NMT1: variants seen among roughly 807,000 people sequenced by gnomAD.
NMT1 encodes glycylpeptide N-tetradecanoyltransferase 1.
NMT1 carries 12 observed loss-of-function variants against 63.4 expected under a neutral mutation model. The observed-to-expected ratio is 0.19, with a 90% confidence interval of 0.12 to 0.31. The LOEUF (loss-of-function observed/expected upper bound fraction) is 0.31, where lower values mean the gene tolerates loss of function less well. NMT1 is among the 10% of genes least tolerant of loss of function. NMT1 has a pLI of 1.00. For synonymous variants in NMT1, 228 were observed against 234.3 expected (o/e 0.97, Z 0.25); for missense variants, 432 against 634.6 (o/e 0.68, Z 3.43).
chr17:45,073,519 A>G (rs1241075505), intron 1 of NMT1, among the ~76,000 whole-genome samples: 1 of 152,210 alleles, frequency 6.6e-6, no homozygotes, highest in Non-Finnish European at 1.5e-5. Context: ...TTAGGAGATT[A>G]TAGTTTTAAA....
At chr17:45,086,381 T>G (rs1212530420) in intron 2 of NMT1, 127 bp from the exon 3 acceptor site, 10 of 969,514 alleles carry the variant, frequency 1.0e-5, no homozygotes, top group African/African-American at 1.7e-5. Flanking sequence ...CGCCTTGGCC[T>G]CCCAAAATGT....
At chr17:45,098,797 A>G (rs1001619133) in intron 7 of NMT1, 1 of 457,772 alleles carries the variant, frequency 2.2e-6, no homozygotes. Flanking sequence ...GGCTGCTGCC[A>G]TTTGGAGATG....
chr17:45,083,275 C>T (rs1397908692), intron 2 of NMT1, among the ~76,000 whole-genome samples: 1 of 151,000 alleles, frequency 6.6e-6, no homozygotes, highest in East Asian at 1.9e-4. Flanking sequence ...GCCGAGATCA[C>T]GCCATTGCAC....
At chr17:45,066,694 A>AT (rs1041123242) in intron 1 of NMT1, among the ~76,000 whole-genome samples, 39 of 152,150 alleles carry the variant, frequency 2.6e-4, no homozygotes, top group African/African-American at 9.2e-4. Flanking sequence ...CTATTTAAAA[A>AT]TTTTTTAATT....
Position 45,104,439 on chromosome 17 carries a change from CA to C in NMT1, c.1333-419del, listed in dbSNP as rs2054190200. ...AGCAGGTGTCATACAACATGAGGTG[CA>C]CTGAGGGCCTGAGAGTTGGGGCATC... On this transcript the variant is annotated intron_variant, in intron 10 of 11. Transcript: ENST00000258960. This position sits in a 1 kb window ranked among gnomAD's most constrained non-coding sequence, Gnocchi z 4.2. 2.7e-6 allele frequency: 3 copies of C among 1,097,944 alleles called. No homozygotes were observed. The African/African-American group carries it at 4.9e-5, about 18-fold the overall frequency. 68.0% of individuals were successfully genotyped at this position (1,097,944 alleles called of 1,614,324 possible). A position where few individuals can be genotyped will look rare whatever the true frequency, so the allele number is the denominator to read the frequency against.
intron 3 of NMT1, among the ~76,000 whole-genome samples, chr17:45,090,004 G>A (rs139274248): frequency 3.9e-5 from 6 of 152,074 alleles, no homozygotes; most frequent in Admixed American, 2.6e-4. Flanking sequence ...TTCTTAGGCC[G>A]GGTGTAGTGG....
chr17:45,069,042 C>A (rs1000524224), intron 1 of NMT1, among the ~76,000 whole-genome samples: 1 of 151,574 alleles, frequency 6.6e-6, no homozygotes, highest in African/African-American at 2.4e-5. Flanking sequence ...CTCACTGCAA[C>A]CTCTGCCACC....
At chr17:45,093,466 T>C (rs546240830) in intron 3 of NMT1, among the ~76,000 whole-genome samples, 12 of 152,372 alleles carry the variant, frequency 7.9e-5, no homozygotes, top group African/African-American at 2.4e-4. Flanking sequence ...CGAACCACCT[T>C]GGATCCCAGT....
At position 45,081,989 on chromosome 17, in the gene NMT1, T is replaced by C. The variant is rs1423870417; in HGVS notation, c.240+237T>C. Among the ~76,000 whole-genome samples, 9 of 152,208 alleles carry C rather than the reference T, an allele frequency of 5.9e-5. No individual in the cohort carries two copies. The East Asian group carries it at 7.7e-4, about 13-fold the overall frequency. On this transcript the variant is annotated intron_variant, in intron 2 of 11. Transcript: ENST00000258960. Reference sequence around the variant, plus strand: ...CTCCCAAGCATGGTGCCCATCAGAATGGACAGGTGCGTACTGCATGTGCTG... The same window carrying C: ...CTCCCAAGCATGGTGCCCATCAGAACGGACAGGTGCGTACTGCATGTGCTG...
At chr17:45,089,749 C>T (rs1399598768) in intron 3 of NMT1, among the ~76,000 whole-genome samples, 1 of 152,052 alleles carries the variant, frequency 6.6e-6, no homozygotes, top group Non-Finnish European at 1.5e-5. Context: ...AGCAATCCTC[C>T]CACCTTAGCC....
At chr17:45,072,167 G>A (rs763943312) in intron 1 of NMT1, among the ~76,000 whole-genome samples, 10 of 151,466 alleles carry the variant, frequency 6.6e-5, no homozygotes, top group South Asian at 4.2e-4. Context: ...TGAGATGATC[G>A]CTTGAACCTG....
chr17:45,065,515 T>G (rs1305764840), intron 1 of NMT1, among the ~76,000 whole-genome samples: 1 of 150,436 alleles, frequency 6.6e-6, no homozygotes, highest in Admixed American at 6.7e-5. Flanking sequence ...TCCCAGCTAC[T>G]CGGGAGGCTG....
intron 1 of NMT1, among the ~76,000 whole-genome samples, chr17:45,075,820 A>G (rs1324853233): frequency 6.6e-6 from 1 of 152,328 alleles, no homozygotes; most frequent in East Asian, 1.9e-4. Flanking sequence ...CTGTAATCCT[A>G]GCACTTTGAG....
intron 2 of NMT1, among the ~76,000 whole-genome samples, chr17:45,085,878 G>A (rs951564521): frequency 2.0e-5 from 3 of 149,990 alleles, no homozygotes; most frequent in Non-Finnish European, 4.4e-5. Flanking sequence ...CTGGAGTGCA[G>A]TGGTGTGATC....
In NMT1 at chr17:45,105,477, G is replaced by T; in HGVS notation, c.1471-142G>T. 1 of 858,890 alleles carries T rather than the reference G, an allele frequency of 1.2e-6. No homozygotes were observed. The allele number at this position is 858,890 out of a possible 1,614,324, so 53.2% of individuals were successfully genotyped here. On this transcript the variant is annotated intron_variant, in intron 11 of 11. Coordinates refer to ENST00000258960, the MANE Select transcript of NMT1 (RefSeq NM_021079.5). The surrounding 1 kb of genome is among the most constrained non-coding windows in gnomAD (Gnocchi z 4.2). ...AACCCTGGTGTGGAGGTTGAGTGTG[G>T]GGCCGGCTGGGTGTGAGTCTGCTCC...
At chr17:45,088,218 G>A (rs2054066841) in intron 3 of NMT1, among the ~76,000 whole-genome samples, 1 of 152,188 alleles carries the variant, frequency 6.6e-6, no homozygotes, top group African/African-American at 2.4e-5. Flanking sequence ...CCTCCAGCAA[G>A]GCTTTGGGCC....
chr17:45,099,385 G>A lies in NMT1; in HGVS notation c.885-20G>A, dbSNP rs200150620. 18 of 1,542,542 alleles carry A rather than the reference G, an allele frequency of 1.2e-5. No homozygotes were observed. The East Asian group carries it at 4.0e-4, about 35-fold the overall frequency. ...GGGATTGGCCAGAACCCTGAGGACA[G>A]GACATTTGTGTCCCCACAGGTATTG... On this transcript the variant is annotated intron_variant, in intron 7 of 11. Transcript: ENST00000258960.
intron 3 of NMT1, among the ~76,000 whole-genome samples, chr17:45,086,883 C>T (rs1432334143): frequency 6.6e-6 from 1 of 151,884 alleles, no homozygotes; most frequent in East Asian, 1.9e-4. Flanking sequence ...TTCTTGCCAA[C>T]AGCACTGGCT....
In NMT1 at chr17:45,103,858, C is replaced by T; in HGVS notation, c.1314C>T (p.Ala438=). 5 of 1,614,084 alleles carry T rather than the reference C, an allele frequency of 3.1e-6. No individual in the cohort carries two copies. Among genetic ancestry groups the T allele is most frequent in the Non-Finnish European group, 4.2e-6 (5 of 1,180,046 alleles). ...QTPLLDLMSD[A]LVLAKMKGFD... ...CTCTTCTAGACCTCATGAGCGACGC[C>T]CTTGTCCTCGCCAAAATGGTGAGGA... Residue 438 remains alanine (A), a synonymous_variant, in exon 10 of 12, where the codon GCC becomes GCT. Transcript: ENST00000258960. This position sits in a 1 kb window ranked among gnomAD's most constrained non-coding sequence, Gnocchi z 4.8.
Sources: allele counts gnomAD v4.1 joint callset (sites outside exome capture counted in the v4.1 genomes callset), GRCh38; gene constraint gnomAD v4.1.1; non-coding constraint Gnocchi (gnomAD v3.1); transcripts MANE v1.5; gene names NCBI Gene and HGNC (gene_info 2026-07-23, HGNC 2026-07-21).